PELP1: variants seen among roughly 807,000 people sequenced by gnomAD.
The protein encoded by PELP1 is proline-, glutamic acid- and leucine-rich protein 1.
Under a neutral mutation model 95.5 loss-of-function variants are expected in PELP1, and 32 were observed. The observed-to-expected ratio is 0.34, with a 90% CI of 0.25 to 0.45. The LOEUF is 0.45. Among genes scored for constraint, PELP1 ranks in the 20% least tolerant of loss-of-function variants. The pLI is 1.00. For synonymous variants in PELP1, 668 were observed against 600.1 expected (o/e 1.11, Z -1.65); for missense variants, 1,358 against 1,444.8 (o/e 0.94, Z 0.97).
chr17:4,691,550 C>T (rs983794816), intron 1 of PELP1, 108 bp from the exon 2 acceptor site: 1 of 857,542 alleles, frequency 1.2e-6, no homozygotes, highest in African/African-American at 1.7e-5. Context: ...TCTGAAGTCA[C>T]ATCTCCTCTG....
At position 4,671,743 on chromosome 17, in the gene PELP1, G is replaced by A; in HGVS notation, c.3248C>T (p.Pro1083Leu). The change falls in exon 16 of 17, where the codon CCT becomes CTT. Residue 1083 changes from proline (P) to leucine (L), a missense_variant. Physicochemically the swap from Pro to Leu is moderately conservative, Grantham distance 98. Coordinates refer to ENST00000572293, the MANE Select transcript of PELP1 (RefSeq NM_014389.3). ...SDKVQPPPET[P>L]AEEEMETETE... ...CTCTGTCTCCATCTCTTCTTCTGCA[G>A]GTGTCTCTGGTGGGGGCTGCACCTT... The A allele has an allele frequency of 6.5e-7, 1 of 1,531,460 alleles. No individual in the cohort carries two copies. Among genetic ancestry groups the A allele is most frequent in the Non-Finnish European group, 8.7e-7 (1 of 1,144,510 alleles). 94.9% of individuals were successfully genotyped at this position (1,531,460 alleles called of 1,614,324 possible). A position where few individuals can be genotyped will look rare whatever the true frequency, so the allele number is the denominator to read the frequency against.
rs1456957150 is a variant in PELP1, at chr17:4,704,090, C to G, written c.22G>C (p.Gly8Arg). The change falls in exon 1 of 17, where the codon GGG (glycine) becomes CGG (arginine). Residue 8 changes from glycine to arginine, a missense_variant. Transcript: ENST00000572293. ...CCAGCCGCGGAGCCCGCAGAGGGCC[C>G]ACTCAGAACGGCTGCCGCCATCTTC... MAAAVLS[G>R]PSAGSAAGVP... is the part of the protein sequence containing the mutation. The G allele has an allele frequency of 1.2e-6, 2 of 1,609,510 alleles. No homozygotes were observed. Among genetic ancestry groups the G allele is most frequent in the South Asian group, 2.2e-5 (2 of 90,976 alleles).
chr17:4,691,186 TAGGA>T (rs1913084070), intron 2 of PELP1, 188 bp downstream of exon 2: 2 of 640,050 alleles, frequency 3.1e-6, no homozygotes, highest in African/African-American at 3.7e-5. Flanking sequence ...CAGGGTGGAA[TAGGA>T]CATCTGGGAG....
chr17:4,679,637 G>C (rs991194499), intron 5 of PELP1, among the ~76,000 whole-genome samples: 1 of 152,172 alleles, frequency 6.6e-6, no homozygotes, highest in South Asian at 2.1e-4. Context: ...TGTGTCATTT[G>C]AGAGGTTAAC....
intron 3 of PELP1, among the ~76,000 whole-genome samples, chr17:4,684,112 G>A (rs1426287681): frequency 6.6e-6 from 1 of 151,990 alleles, no homozygotes; most frequent in Non-Finnish European, 1.5e-5. Context: ...GACTTCCTTA[G>A]AAAATTAATA....
chr17:4,684,881 A>G (rs574473726), intron 3 of PELP1, among the ~76,000 whole-genome samples: 59 of 152,160 alleles, frequency 3.9e-4, no homozygotes, highest in African/African-American at 1.3e-3. Flanking sequence ...TTGTATTTTT[A>G]GTAGAGATGG....
chr17:4,675,997 C>T lies in PELP1; in HGVS notation c.980+39G>A. 1 of 1,611,598 alleles carries T rather than the reference C, an allele frequency of 6.2e-7. No homozygotes were observed. The highest frequency in any genetic ancestry group is 8.5e-7 in the Non-Finnish European group (1 of 1,178,542). On this transcript the variant is annotated intron_variant, in intron 8 of 16. Coordinates refer to ENST00000572293, the MANE Select transcript of PELP1 (RefSeq NM_014389.3). The surrounding 1 kb of genome is among the most constrained non-coding windows in gnomAD (Gnocchi z 4.3). ...GGCGACACTCCCTCATCAATCCCTCCTGCTCCACGCCTCCGCTCCCTCCAA... is the reference window on the plus strand; with the variant it reads ...GGCGACACTCCCTCATCAATCCCTCTTGCTCCACGCCTCCGCTCCCTCCAA...
At chr17:4,695,482 C>G (rs959253384) in intron 1 of PELP1, among the ~76,000 whole-genome samples, 4 of 151,312 alleles carry the variant, frequency 2.6e-5, no homozygotes, top group African/African-American at 4.9e-5. Flanking sequence ...CTGGGCAACA[C>G]AGAGAGACAC....
In PELP1 at chr17:4,671,082, T is replaced by C. The variant is rs1490375872; in HGVS notation, c.*357A>G. 3.3e-6 allele frequency: 1 copy of C among 303,906 alleles called. No individual in the cohort carries two copies. Among genetic ancestry groups the C allele is most frequent in the Non-Finnish European group, 6.2e-6 (1 of 160,502 alleles). 18.8% of individuals were successfully genotyped at this position (303,906 alleles called of 1,614,324 possible). A position where few individuals can be genotyped will look rare whatever the true frequency, so the allele number is the denominator to read the frequency against. ...CAGGTCCACTCACTAGGATGCATTC[T>C]CCACACATTTCCCACCCCGAATACA... On this transcript the variant is annotated 3_prime_UTR_variant, in exon 17 of 17. Transcript: ENST00000572293.
chr17:4,702,209 G>A (rs8069117), intron 1 of PELP1, among the ~76,000 whole-genome samples: 148,852 of 152,298 alleles, frequency 0.98, 72,828 homozygotes, highest in Middle Eastern at 1. Context: ...GCCTGAACTC[G>A]GGACTTTGAG....
intron 4 of PELP1, 59 bp from the exon 5 acceptor site, chr17:4,682,632 T>C (rs970107676): frequency 2.0e-6 from 3 of 1,495,500 alleles, no homozygotes; most frequent in Non-Finnish European, 2.8e-6. Context: ...CCATATTCCA[T>C]CTCCCCCAGC....
chr17:4,701,398 C>A (rs1913529608), intron 1 of PELP1, among the ~76,000 whole-genome samples: 1 of 151,950 alleles, frequency 6.6e-6, no homozygotes, highest in Admixed American at 6.6e-5. Flanking sequence ...GAAAGAACAC[C>A]CAGAGGCTGA....
chr17:4,698,721 C>T (rs1191408458), intron 1 of PELP1, among the ~76,000 whole-genome samples: 4 of 147,018 alleles, frequency 2.7e-5, no homozygotes, highest in Admixed American at 1.3e-4. Context: ...AAATCCTGGA[C>T]TAGAAATGTT....
Position 4,676,744 on chromosome 17 carries a change from G to A in PELP1, c.702+9C>T. On this transcript the variant is annotated intron_variant, in intron 6 of 16. Transcript: ENST00000572293. ...CCCCGGGCTCTCCCTCTCCCTCCCT[G>A]CCCTTTACCTGTTGGAGCTGAGGGC... 1 of 1,564,486 alleles carries A rather than the reference G, an allele frequency of 6.4e-7. No homozygotes were observed. The highest frequency in any genetic ancestry group is 8.7e-7 in the Non-Finnish European group (1 of 1,153,376).
At chr17:4,687,369 C>A (rs1370114740) in intron 3 of PELP1, among the ~76,000 whole-genome samples, 1 of 151,922 alleles carries the variant, frequency 6.6e-6, no homozygotes, top group Non-Finnish European at 1.5e-5. Context: ...ATGGTGAAAC[C>A]CCATCTCTAC....
chr17:4,683,387 A>G (rs373130617), intron 3 of PELP1, among the ~76,000 whole-genome samples: 1 of 151,450 alleles, frequency 6.6e-6, no homozygotes, highest in Admixed American at 6.6e-5. Flanking sequence ...CGCCTGACTA[A>G]TTTTTTGTAT....
At chr17:4,689,758 C>A (rs988998812) in intron 3 of PELP1, among the ~76,000 whole-genome samples, 1 of 152,166 alleles carries the variant, frequency 6.6e-6, no homozygotes, top group South Asian at 2.1e-4. Flanking sequence ...CCAGGAGTGG[C>A]GGCTCATGCC....
At position 4,672,471 on chromosome 17, in the gene PELP1, C is replaced by T. The variant is rs373154879; in HGVS notation, c.2520G>A (p.Pro840=). The T allele has an allele frequency of 1.6e-5, 24 of 1,455,220 alleles. No individual in the cohort carries two copies. The highest frequency in any genetic ancestry group is 1.9e-5 in the Non-Finnish European group (20 of 1,078,532). The allele number at this position is 1,455,220 out of a possible 1,614,324, so 90.1% of individuals were successfully genotyped here. A position where few individuals can be genotyped will look rare whatever the true frequency, so the allele number is the denominator to read the frequency against. The part of the protein sequence containing the change: ...EELPAAPGPL[P]PPPPPPPPVP... ...CAGGCGGCGGCGGAGGTGGGGGTGGCGGGAGAGGCCCTGGGGCTGCAGGAA... is the reference window on the plus strand; with the variant it reads ...CAGGCGGCGGCGGAGGTGGGGGTGGTGGGAGAGGCCCTGGGGCTGCAGGAA... Residue 840 remains proline (P), a synonymous_variant, in exon 16 of 17, where the codon CCG becomes CCA. Coordinates refer to ENST00000572293, the MANE Select transcript of PELP1 (RefSeq NM_014389.3).
Position 4,672,429 on chromosome 17 carries a change from C to G in PELP1, c.2562G>C (p.Thr854=), listed in dbSNP as rs758225454. The G allele has an allele frequency of 6.4e-7, 1 of 1,568,528 alleles. No individual in the cohort carries two copies. Among genetic ancestry groups the G allele is most frequent in the Non-Finnish European group, 8.6e-7 (1 of 1,156,828 alleles). ...CAGGGACCAACTGGGGTGGAGGGAG[C>G]GTCACAGGACCAGGAACAGGCGGCG... ...PPPPPVPGPV[T]LPPPQLVPEG... The change falls in exon 16 of 17, where the codon ACG becomes ACC. Residue 854 remains threonine, a synonymous_variant. Coordinates refer to ENST00000572293, the MANE Select transcript of PELP1 (RefSeq NM_014389.3).
Sources: gnomAD v4.1 joint callset for allele counts (sites outside exome capture counted in the v4.1 genomes callset) on GRCh38, gnomAD v4.1.1 for gene constraint, Gnocchi (gnomAD v3.1) non-coding constraint, MANE v1.5 for transcripts, NCBI Gene and HGNC (gene_info 2026-07-23, HGNC 2026-07-21) for gene names.